The following EXOC6B variants were observed in gnomAD, a reference collection of about 807,000 sequenced individuals.
EXOC6B encodes the protein exocyst complex component 6B.
In EXOC6B, 54 loss-of-function variants were observed where a neutral mutation model predicts 113.5. That is an observed-to-expected ratio of 0.48 (90% CI 0.38 to 0.60). The LOEUF (loss-of-function observed/expected upper bound fraction) is 0.60. EXOC6B is among the 20% of genes least tolerant of loss of function. EXOC6B has a pLI of 0.00. For synonymous variants in EXOC6B, 357 were observed against 339.0 expected (o/e 1.05, Z -0.58); for missense variants, 797 against 977.5 (o/e 0.82, Z 2.46).
chr2:72,368,684 T>G (rs933039667), intron 19 of EXOC6B, among the ~76,000 whole-genome samples: 6 of 152,196 alleles, frequency 3.9e-5, no homozygotes, highest in African/African-American at 1.4e-4. Flanking sequence ...GTGGGCTTCA[T>G]CCCTGGGATG....
chr2:72,280,010 A>G (rs1443574546), intron 20 of EXOC6B, among the ~76,000 whole-genome samples: 1 of 152,204 alleles, frequency 6.6e-6, no homozygotes, highest in Non-Finnish European at 1.5e-5. Flanking sequence ...GGCAACAACA[A>G]CAAAAATCTG....
chr2:72,299,994 G>A (rs1241649568), intron 20 of EXOC6B, among the ~76,000 whole-genome samples: 1 of 152,162 alleles, frequency 6.6e-6, no homozygotes, highest in African/African-American at 2.4e-5. Context: ...CAGGATACAT[G>A]GGGGTCAGGG....
intron 6 of EXOC6B, among the ~76,000 whole-genome samples, chr2:72,673,468 C>T (rs189450407): frequency 3.2e-4 from 49 of 152,280 alleles, no homozygotes; most frequent in Middle Eastern, 6.8e-3. Context: ...AAGTCATATT[C>T]TGGGCTTTTG....
intron 8 of EXOC6B, among the ~76,000 whole-genome samples, chr2:72,534,175 C>T (rs375560245): frequency 4.0e-5 from 6 of 151,840 alleles, no homozygotes; most frequent in East Asian, 3.9e-4. Flanking sequence ...AAATAGCTTA[C>T]GGCTATAACT....
chr2:72,551,210 T>A (rs550129508), intron 8 of EXOC6B, among the ~76,000 whole-genome samples: 1 of 152,146 alleles, frequency 6.6e-6, no homozygotes, highest in African/African-American at 2.4e-5. Context: ...TATTTTAATA[T>A]CATAAAATCC....
intron 20 of EXOC6B, among the ~76,000 whole-genome samples, chr2:72,197,740 G>T (rs1363318279): frequency 1.3e-5 from 2 of 152,130 alleles, no homozygotes; most frequent in Non-Finnish European, 2.9e-5. Flanking sequence ...AGACTAAAAT[G>T]TGATCACAAG....
chr2:72,676,302 C>G (rs1031862442), intron 6 of EXOC6B, among the ~76,000 whole-genome samples: 4 of 152,164 alleles, frequency 2.6e-5, no homozygotes, highest in African/African-American at 7.2e-5. Flanking sequence ...TCAAACACTA[C>G]AAAGCATCTG....
chr2:72,707,631 C>T (rs1678974685), intron 6 of EXOC6B, among the ~76,000 whole-genome samples: 1 of 152,040 alleles, frequency 6.6e-6, no homozygotes, highest in Non-Finnish European at 1.5e-5. Flanking sequence ...CCAGGATGGT[C>T]TTGAACTCCT....
Position 72,826,004 on chromosome 2 carries a change from GC to G in EXOC6B, c.-95del. The G allele has an allele frequency of 6.6e-7, 1 of 1,506,086 alleles. No homozygotes were observed. The allele number at this position is 1,506,086 out of a possible 1,614,324, so 93.3% of individuals were successfully genotyped here. A position where few individuals can be genotyped will look rare whatever the true frequency, so the allele number is the denominator to read the frequency against. On this transcript the variant is annotated 5_prime_UTR_variant, in exon 1 of 22. Transcript: ENST00000272427. ...CGCTCCCACCACAGGCTCCACAGCC[GC>G]CCCAGCCTCTGGCTACCCGCAGGCC...
intron 1 of EXOC6B, among the ~76,000 whole-genome samples, chr2:72,775,708 AC>A (rs1683655642): frequency 6.6e-6 from 1 of 152,236 alleles, no homozygotes; most frequent in African/African-American, 2.4e-5. Flanking sequence ...TTTTGTAATG[AC>A]GGAACTTTAA....
chr2:72,361,467 G>A (rs1690310167), intron 19 of EXOC6B, among the ~76,000 whole-genome samples: 1 of 152,094 alleles, frequency 6.6e-6, no homozygotes, highest in Non-Finnish European at 1.5e-5. Flanking sequence ...CCTCACATTA[G>A]GAAAAGATCT....
intron 1 of EXOC6B, among the ~76,000 whole-genome samples, chr2:72,745,516 T>C (rs1002520426): frequency 1.3e-5 from 2 of 152,086 alleles, no homozygotes; most frequent in African/African-American, 4.8e-5. Flanking sequence ...AAAGACTATA[T>C]TTAAAAGACT....
At chr2:72,682,337 G>T (rs1477241051) in intron 6 of EXOC6B, among the ~76,000 whole-genome samples, 1 of 152,068 alleles carries the variant, frequency 6.6e-6, no homozygotes, top group African/African-American at 2.4e-5. Context: ...AAAATCCCAG[G>T]AGTTGAGGAT....
rs185491569 is a variant in EXOC6B, at chr2:72,263,503, T to G, written c.2196+71444A>C. 2.4e-3 allele frequency: 372 copies of G among 152,320 alleles called. 1 individual carries two copies. The highest frequency in any genetic ancestry group is 8.4e-3 in the African/African-American group (348 of 41,578). The allele number at this position is 152,320 out of a possible 1,614,324, so 9.4% of individuals were successfully genotyped here. On this transcript the variant is annotated intron_variant, in intron 20 of 21. Coordinates refer to ENST00000272427, the MANE Select transcript of EXOC6B (RefSeq NM_015189.3). The stretch of plus-strand genomic sequence containing the variant: ...TATTATGCTGGACACAAGCCAGTCT[T>G]ATCCCCAAAGCAATAAATTTTACAA...
chr2:72,820,387 A>G (rs1339320621), intron 1 of EXOC6B, among the ~76,000 whole-genome samples: 1 of 152,148 alleles, frequency 6.6e-6, no homozygotes, highest in East Asian at 1.9e-4. Flanking sequence ...ACAGTGAAAA[A>G]GGTAACTGTA....
chr2:72,470,939 A>C (rs910829041), intron 17 of EXOC6B, among the ~76,000 whole-genome samples: 2 of 152,104 alleles, frequency 1.3e-5, no homozygotes, highest in Non-Finnish European at 2.9e-5. Flanking sequence ...ATGGGCGTGT[A>C]TCTTTATAGC....
At chr2:72,342,558 G>GA (rs1689093800) in intron 19 of EXOC6B, among the ~76,000 whole-genome samples, 2 of 152,016 alleles carry the variant, frequency 1.3e-5, no homozygotes, top group Middle Eastern at 3.4e-3. Flanking sequence ...TGAGGGTGTG[G>GA]AAAAAAAGAA....
chr2:72,496,667 C>A (rs904350292), intron 13 of EXOC6B, 108 bp from the exon 14 acceptor site: 56 of 704,174 alleles, frequency 8.0e-5, no homozygotes, highest in Non-Finnish European at 1.4e-4. Flanking sequence ...TTCTGATGAA[C>A]TCCAATCTTA....
chr2:72,292,574 A>G (rs2104718870), intron 20 of EXOC6B, among the ~76,000 whole-genome samples: 1 of 152,100 alleles, frequency 6.6e-6, no homozygotes, highest in Non-Finnish European at 1.5e-5. Context: ...ATATGATTCT[A>G]TAAAAGTTTA....
Sources: gnomAD v4.1 joint callset for allele counts (sites outside exome capture counted in the v4.1 genomes callset) on GRCh38, gnomAD v4.1.1 for gene constraint, MANE v1.5 for transcripts, NCBI Gene and HGNC (gene_info 2026-07-23, HGNC 2026-07-21) for gene names.